FZD5: variants seen among roughly 807,000 people sequenced by gnomAD.
The protein encoded by FZD5 is frizzled class receptor 5.
In FZD5, 12 loss-of-function variants were observed where a neutral mutation model predicts 40.8. The observed-to-expected ratio is 0.29, with a 90% CI of 0.19 to 0.48. FZD5 has a LOEUF of 0.48. Ranked by LOEUF, FZD5 falls within the 20% of genes least tolerant of loss-of-function variation. The probability of loss-of-function intolerance (pLI) is 0.99; values close to 1 mark genes in which losing one functional copy is unlikely to be tolerated. For synonymous variants in FZD5, 380 were observed against 383.7 expected, an observed-to-expected ratio of 0.99 and a Z score of 0.11; for missense variants, 622 against 832.8, an observed-to-expected ratio of 0.75 and a Z score of 3.12.
Position 207,766,616 on chromosome 2 carries a change from A to T in FZD5, c.*366T>A. ...TCCCAATTGAGACCACACAGTTCAAAGAAACCTGAACCAAGTGGAACTTCA... is the reference window on the plus strand; with the variant it reads ...TCCCAATTGAGACCACACAGTTCAATGAAACCTGAACCAAGTGGAACTTCA... On this transcript the variant is annotated 3_prime_UTR_variant, in exon 2 of 2. Transcript: ENST00000295417. The T allele has an allele frequency of 5.5e-6, 1 of 182,954 alleles. No homozygotes were observed. Among genetic ancestry groups the T allele is most frequent in the Non-Finnish European group, 1.1e-5 (1 of 88,652 alleles). The allele number at this position is 182,954 out of a possible 1,614,324, so 11.3% of individuals were successfully genotyped here.
At position 207,767,106 on chromosome 2, in the gene FZD5, T is replaced by G. The variant is rs1268423515; in HGVS notation, c.1634A>C (p.His545Pro). The G allele has an allele frequency of 1.3e-6, 2 of 1,571,844 alleles. No individual in the cohort carries two copies. Among genetic ancestry groups the G allele is most frequent in the South Asian group, 2.3e-5 (2 of 86,936 alleles). The change falls in exon 2 of 2, where the codon CAC (histidine) becomes CCC (proline). Residue 545 changes from histidine to proline, a missense_variant. Transcript: ENST00000295417. Reference protein sequence around the residue: ...SRCCCRPRRGHKSGGAMAAGD... With the variant: ...SRCCCRPRRGPKSGGAMAAGD... ...TGCGGCCATGGCGCCCCCGCTCTTGTGGCCGCGCCGCGGGCGGCAGCAGCA... is the reference window on the plus strand; with the variant it reads ...TGCGGCCATGGCGCCCCCGCTCTTGGGGCCGCGCCGCGGGCGGCAGCAGCA...
In FZD5 at chr2:207,766,953, C is replaced by G. The variant is rs920567138; in HGVS notation, c.*29G>C. 1.1e-5 allele frequency: 16 copies of G among 1,437,892 alleles called. No homozygotes were observed. Among genetic ancestry groups the G allele is most frequent in the Non-Finnish European group, 1.4e-5 (15 of 1,096,824 alleles). 89.1% of individuals were successfully genotyped at this position (1,437,892 alleles called of 1,614,324 possible). ...ACAAAACGCCCCCCTCCCCTCAGCT[C>G]TCCGGCCGAGTCCCTCGGCGGCAGC... On this transcript the variant is annotated 3_prime_UTR_variant, in exon 2 of 2. Coordinates refer to ENST00000295417, the MANE Select transcript of FZD5 (RefSeq NM_003468.4).
chr2:207,767,764 C>G lies in FZD5; in HGVS notation c.976G>C (p.Gly326Arg). ...ACCCACCAGATGGAGCTGGCCATGCCGAAGAAGTAGACCAGGAGGAAGACG... is the reference window on the plus strand; with the variant it reads ...ACCCACCAGATGGAGCTGGCCATGCGGAAGAAGTAGACCAGGAGGAAGACG... ...TIVFLLVYFFGMASSIWWVIL... is the reference protein window; with the variant it reads ...TIVFLLVYFFRMASSIWWVIL... The change falls in exon 2 of 2, where the codon GGC becomes CGC. Residue 326 changes from glycine to arginine, a missense_variant. Physicochemically the swap from Gly to Arg is moderately radical, Grantham distance 125 (BLOSUM62 -2). Coordinates refer to ENST00000295417, the MANE Select transcript of FZD5 (RefSeq NM_003468.4). The G allele has an allele frequency of 6.2e-7, 1 of 1,613,974 alleles. No homozygotes were observed. The highest frequency in any genetic ancestry group is 1.1e-5 in the South Asian group (1 of 91,038).
At position 207,768,903 on chromosome 2, in the gene FZD5, C is replaced by T. The variant is rs55717133; in HGVS notation, c.-164G>A. 0.26 allele frequency: 162,234 copies of T among 620,406 alleles called. 23,095 individuals are homozygous for T. Among genetic ancestry groups the T allele is most frequent in the Admixed American group, 0.32 (10,157 of 32,000 alleles). 38.4% of individuals were successfully genotyped at this position (620,406 alleles called of 1,614,324 possible). Reference sequence around the variant, plus strand: ...AAAACCGTCCAAAGATAAACTGCTTCGGGAAGGCGCTGCCTCCGCTGGCAG... The same window carrying T: ...AAAACCGTCCAAAGATAAACTGCTTTGGGAAGGCGCTGCCTCCGCTGGCAG... On this transcript the variant is annotated 5_prime_UTR_variant, in exon 2 of 2. Coordinates refer to ENST00000295417, the MANE Select transcript of FZD5 (RefSeq NM_003468.4).
rs887706989 is a variant in FZD5 at position 207,769,738 on chromosome 2, G to A, written c.-729C>T. On this transcript the variant is annotated 5_prime_UTR_variant, in exon 1 of 2. Coordinates refer to ENST00000295417, the MANE Select transcript of FZD5 (RefSeq NM_003468.4). ...CCGCCGCTCGCCTCCTCCCCTGCAG[G>A]GGGCTCCGCGCTCCAGTGGACTCCT... 6.6e-6 allele frequency among the ~76,000 whole-genome samples: 1 copy of A among 151,934 alleles called. No homozygotes were observed. The highest frequency in any genetic ancestry group is 1.5e-5 in the Non-Finnish European group (1 of 67,950).
chr2:207,763,700 C>G lies in FZD5; in HGVS notation c.*3282G>C, dbSNP rs1264901428. Reference sequence around the variant, plus strand: ...TAAAATATACAACTACATTTCCTAGCTCTGGGGTTCCCATTCTGTACTGGA... The same window carrying G: ...TAAAATATACAACTACATTTCCTAGGTCTGGGGTTCCCATTCTGTACTGGA... On this transcript the variant is annotated 3_prime_UTR_variant, in exon 2 of 2. Transcript: ENST00000295417. 1 of 152,642 alleles carries G rather than the reference C, an allele frequency of 6.6e-6. No homozygotes were observed. The highest frequency in any genetic ancestry group is 1.5e-5 in the Non-Finnish European group (1 of 68,068). 9.5% of individuals were successfully genotyped at this position (152,642 alleles called of 1,614,324 possible).
Position 207,768,876 on chromosome 2 carries a change from A to G in FZD5, c.-137T>C. 1 of 694,886 alleles carries G rather than the reference A, an allele frequency of 1.4e-6. No individual in the cohort carries two copies. The allele number at this position is 694,886 out of a possible 1,614,324, so 43.0% of individuals were successfully genotyped here. A position where few individuals can be genotyped will look rare whatever the true frequency, so the allele number is the denominator to read the frequency against. ...ACCTGTTGGTTGCTTTTTCCTTTAA[A>G]GAAAACCGTCCAAAGATAAACTGCT... On this transcript the variant is annotated 5_prime_UTR_variant, in exon 2 of 2. Coordinates refer to ENST00000295417, the MANE Select transcript of FZD5 (RefSeq NM_003468.4).
chr2:207,767,212 A>C lies in FZD5; in HGVS notation c.1528T>G (p.Cys510Gly). Residue 510 changes from cysteine to glycine, a missense_variant, in exon 2 of 2, where the codon TGC becomes GGC. Physicochemically the swap from Cys to Gly is radical, Grantham distance 159 (BLOSUM62 -3). Transcript: ENST00000295417. The stretch of plus-strand genomic sequence containing the variant: ...CCCGACGTGATGCCCACCACCAGGC[A>C]CATGAAGTACTTGAGCATGAGCACC... ...YWVLMLKYFMCLVVGITSGVW... is the reference protein window; with the variant it reads ...YWVLMLKYFMGLVVGITSGVW... The C allele has an allele frequency of 6.2e-7, 1 of 1,608,538 alleles. No individual in the cohort carries two copies. Among genetic ancestry groups the C allele is most frequent in the South Asian group, 1.1e-5 (1 of 90,466 alleles).
chr2:207,768,250 G>C lies in FZD5; in HGVS notation c.490C>G (p.Pro164Ala). Residue 164 changes from proline (P) to alanine (A), a missense_variant, in exon 2 of 2, where the codon CCA becomes GCA. Around this residue, in one of 4 missense-constraint regions of FZD5, gnomAD observed 116 missense variants for 117.7 expected, o/e 0.99. Coordinates refer to ENST00000295417, the MANE Select transcript of FZD5 (RefSeq NM_003468.4). ...GGGCCTGGAAGGGTGGGCTTGGCTG[G>C]GAAAGGCCTGGGGGGCGCCGTGGTG... ...EATTAPPRPF[P>A]AKPTLPGPPG... 1.9e-6 allele frequency: 3 copies of C among 1,552,244 alleles called. No homozygotes were observed. Among genetic ancestry groups the C allele is most frequent in the Non-Finnish European group, 2.6e-6 (3 of 1,154,418 alleles).
Position 207,766,574 on chromosome 2 carries a change from G to A in FZD5, c.*408C>T, listed in dbSNP as rs550319912. ...TTCACATTTTTTTTTAAAGACACAC[G>A]TATAGGAAATATATTTTCCCAATTG... On this transcript the variant is annotated 3_prime_UTR_variant, in exon 2 of 2. Coordinates refer to ENST00000295417, the MANE Select transcript of FZD5 (RefSeq NM_003468.4). 1 of 158,350 alleles carries A rather than the reference G, an allele frequency of 6.3e-6. No individual in the cohort carries two copies. Among genetic ancestry groups the A allele is most frequent in the South Asian group, 2.0e-4 (1 of 4,882 alleles). The allele number at this position is 158,350 out of a possible 1,614,324, so 9.8% of individuals were successfully genotyped here. A position where few individuals can be genotyped will look rare whatever the true frequency, so the allele number is the denominator to read the frequency against.
Position 207,766,875 on chromosome 2 carries a change from G to A in FZD5, c.*107C>T. On this transcript the variant is annotated 3_prime_UTR_variant, in exon 2 of 2. Coordinates refer to ENST00000295417, the MANE Select transcript of FZD5 (RefSeq NM_003468.4). ...TCCCTCTCTCCAAGTCGCCGCGGGAGGGGGCAACAGCACCATGAAGGTAAA... is the reference window on the plus strand; with the variant it reads ...TCCCTCTCTCCAAGTCGCCGCGGGAAGGGGCAACAGCACCATGAAGGTAAA... 1 of 900,314 alleles carries A rather than the reference G, an allele frequency of 1.1e-6. No individual in the cohort carries two copies. The highest frequency in any genetic ancestry group is 1.6e-6 in the Non-Finnish European group (1 of 639,028). The allele number at this position is 900,314 out of a possible 1,614,324, so 55.8% of individuals were successfully genotyped here. A position where few individuals can be genotyped will look rare whatever the true frequency, so the allele number is the denominator to read the frequency against.
rs35994626 is a variant in FZD5 at position 207,768,093 on chromosome 2, G to A, written c.647C>T (p.Pro216Leu). Residue 216 changes from proline to leucine, a missense_variant, in exon 2 of 2, where the codon CCC becomes CTC. Coordinates refer to ENST00000295417, the MANE Select transcript of FZD5 (RefSeq NM_003468.4). ...LYNKVRTGQV[P>L]NCAVPCYQPS... ...CTGGTAGCAGGGTACCGCGCAGTTGGGCACCTGGCCCGTCCGCACCTTGTT... is the reference window on the plus strand; with the variant it reads ...CTGGTAGCAGGGTACCGCGCAGTTGAGCACCTGGCCCGTCCGCACCTTGTT... The A allele has an allele frequency of 0.064, 102,980 of 1,613,240 alleles. 3,805 individuals carry two copies. The highest frequency in any genetic ancestry group is 0.075 in the Non-Finnish European group (88,559 of 1,179,658).
Position 207,768,821 on chromosome 2 carries a change from G to A in FZD5, c.-82C>T. 6.8e-6 allele frequency: 8 copies of A among 1,178,512 alleles called. No individual in the cohort carries two copies. Among genetic ancestry groups the A allele is most frequent in the Non-Finnish European group, 8.2e-6 (7 of 854,750 alleles). The allele number at this position is 1,178,512 out of a possible 1,614,324, so 73.0% of individuals were successfully genotyped here. On this transcript the variant is annotated 5_prime_UTR_variant, in exon 2 of 2. Coordinates refer to ENST00000295417, the MANE Select transcript of FZD5 (RefSeq NM_003468.4). ...AATCCGGGCCGGGGCTTCTCCCTCC[G>A]GCGTCTCGTGTGTGGCGCCGGGGCT...
At position 207,767,103 on chromosome 2, in the gene FZD5, T is replaced by C. The variant is rs901493179; in HGVS notation, c.1637A>G (p.Lys546Arg). 6.3e-7 allele frequency: 1 copy of C among 1,578,012 alleles called. No homozygotes were observed. Among genetic ancestry groups the C allele is most frequent in the Non-Finnish European group, 8.6e-7 (1 of 1,162,534 alleles). ...CCCTGCGGCCATGGCGCCCCCGCTC[T>C]TGTGGCCGCGCCGCGGGCGGCAGCA... ...RCCCRPRRGH[K>R]SGGAMAAGDY... Residue 546 changes from lysine (K) to arginine (R), a missense_variant, in exon 2 of 2, where the codon AAG (lysine) becomes AGG (arginine). Coordinates refer to ENST00000295417, the MANE Select transcript of FZD5 (RefSeq NM_003468.4).
At position 207,767,508 on chromosome 2, in the gene FZD5, T is replaced by C. The variant is rs750162817; in HGVS notation, c.1232A>G (p.Tyr411Cys). 1.8e-5 allele frequency: 29 copies of C among 1,609,452 alleles called. No individual in the cohort carries two copies. The highest frequency in any genetic ancestry group is 2.4e-5 in the Non-Finnish European group (28 of 1,179,836). ...CAGGAAGAGCGTGCCCACCAGCAGG[T>C]AGAGCACCAGCGGGCCCAGCACGAA... ...RGFVLGPLVL[Y>C]LLVGTLFLLA... The change falls in exon 2 of 2, where the codon TAC (tyrosine) becomes TGC (cysteine). Residue 411 changes from tyrosine to cysteine, a missense_variant. Tyr to Cys is a radical substitution (Grantham distance 194, BLOSUM62 -2). Coordinates refer to ENST00000295417, the MANE Select transcript of FZD5 (RefSeq NM_003468.4).
At position 207,768,716 on chromosome 2, in the gene FZD5, C is replaced by A. The variant is rs767411820; in HGVS notation, c.24G>T (p.Ala8=). 1.6e-5 allele frequency: 25 copies of A among 1,590,264 alleles called. 1 individual carries two copies. The South Asian group carries it at 2.8e-4, about 18-fold the overall frequency. Residue 8 remains alanine (A), a synonymous_variant, in exon 2 of 2, where the codon GCG becomes GCT. Transcript: ENST00000295417. ...GGAGCAGCAGCAACAGCGAGGGCGG[C>A]GCGGATGGGTCAGGCCGAGCCATCG... MARPDPS[A]PPSLLLLLLA...
chr2:207,769,656 G>C lies in FZD5; in HGVS notation c.-647C>G. 6.6e-6 allele frequency: 1 copy of C among 152,056 alleles called. No individual in the cohort carries two copies. The highest frequency in any genetic ancestry group is 1.5e-5 in the Non-Finnish European group (1 of 68,020). 9.4% of individuals were successfully genotyped at this position (152,056 alleles called of 1,614,324 possible). A position where few individuals can be genotyped will look rare whatever the true frequency, so the allele number is the denominator to read the frequency against. On this transcript the variant is annotated 5_prime_UTR_variant, in exon 1 of 2. Transcript: ENST00000295417. Reference sequence around the variant, plus strand: ...ACCCCGCCGCCTCACAGCACCGCGAGCAGCCGGCGCTGGCCAGGCCGGGAC... The same window carrying C: ...ACCCCGCCGCCTCACAGCACCGCGACCAGCCGGCGCTGGCCAGGCCGGGAC...
rs777305802 is a variant in FZD5, at chr2:207,767,623, T to C, written c.1117A>G (p.Ile373Val). ...ACGGAGCTCAGCGCCAGTGCCGTGA[T>C]GGACTTGACGCTGGGGATGAGCCAC... Reference protein sequence around the residue: ...AAWLIPSVKSITALALSSVDG... With the variant: ...AAWLIPSVKSVTALALSSVDG... The change falls in exon 2 of 2, where the codon ATC (isoleucine) becomes GTC (valine). Residue 373 changes from isoleucine (I) to valine (V), a missense_variant. Transcript: ENST00000295417. The C allele has an allele frequency of 1.2e-6, 2 of 1,613,026 alleles. No individual in the cohort carries two copies. The highest frequency in any genetic ancestry group is 1.3e-5 in the African/African-American group (1 of 74,918).
rs1281191669 is a variant in FZD5, at chr2:207,767,068, C to T, written c.1672G>A (p.Glu558Lys). The T allele has an allele frequency of 3.8e-6, 6 of 1,580,202 alleles. No individual in the cohort carries two copies. In the African/African-American group the frequency reaches 6.8e-5, roughly 18 times the overall value. Residue 558 changes from glutamate (E) to lysine (K), a missense_variant, in exon 2 of 2, where the codon GAG becomes AAG. By Grantham distance (56) the Glu-to-Lys change is moderately conservative. Transcript: ENST00000295417. ...GGAMAAGDYP[E>K]ASAALTGRTG... ...CTGCCTGTGAGCGCGGCGCTCGCCTCGGGGTAGTCCCCTGCGGCCATGGCG... is the reference window on the plus strand; with the variant it reads ...CTGCCTGTGAGCGCGGCGCTCGCCTTGGGGTAGTCCCCTGCGGCCATGGCG...
Sources: gnomAD v4.1 joint callset for allele counts (sites outside exome capture counted in the v4.1 genomes callset) on GRCh38, gnomAD v4.1.1 for gene constraint, gnomAD v4.1.1 regional missense constraint, MANE v1.5 for transcripts, NCBI Gene and HGNC (gene_info 2026-07-23, HGNC 2026-07-21) for gene names.